RUBCN: variants seen among roughly 807,000 people sequenced by gnomAD.
RUBCN encodes run domain Beclin-1-interacting and cysteine-rich domain-containing protein.
Under a neutral mutation model 113.2 loss-of-function variants are expected in RUBCN, and 74 were observed. The observed-to-expected ratio is 0.65, with a 90% CI of 0.54 to 0.79. The LOEUF is 0.79. RUBCN is among the 30% of genes least tolerant of loss of function. The probability of loss-of-function intolerance (pLI) is 0.00; values close to 1 mark genes in which losing one functional copy is unlikely to be tolerated. For synonymous variants in RUBCN, 480 were observed against 490.0 expected, an observed-to-expected ratio of 0.98 and a Z score of 0.27; for missense variants, 1,109 against 1,251.7, an observed-to-expected ratio of 0.89 and a Z score of 1.72.
At chr3:197,748,396 C>T (rs1728850068) in intron 1 of RUBCN, 1 of 152,102 alleles carries the variant, frequency 6.6e-6, no homozygotes, top group Non-Finnish European at 1.5e-5. Context: ...ATTAAAGTTT[C>T]TTGTGCCCCT....
At chr3:197,684,007 G>C in intron 12 of RUBCN, 150 bp downstream of exon 12, 1 of 612,058 alleles carries the variant, frequency 1.6e-6, no homozygotes, top group Non-Finnish European at 2.9e-6. Context: ...TTCTTCCCGT[G>C]GGCTCGGCAC....
intron 16 of RUBCN, among the ~76,000 whole-genome samples, chr3:197,679,184 C>G (rs549465394): frequency 1.3e-5 from 2 of 150,630 alleles, no homozygotes; most frequent in African/African-American, 4.9e-5. Context: ...TCAGACTGTC[C>G]TACGCTCTGA....
At chr3:197,699,892 C>G (rs1723442670) in intron 7 of RUBCN, among the ~76,000 whole-genome samples, 1 of 152,080 alleles carries the variant, frequency 6.6e-6, no homozygotes, top group Non-Finnish European at 1.5e-5. Flanking sequence ...GCACAAAGCT[C>G]CATGCTATAC....
At chr3:197,704,801 A>G in intron 3 of RUBCN, 100 bp from the exon 4 acceptor site, 1 of 1,298,850 alleles carries the variant, frequency 7.7e-7, no homozygotes, top group East Asian at 2.4e-5. Flanking sequence ...GGTAAGGGAA[A>G]TGCTTTGAAA....
intron 16 of RUBCN, among the ~76,000 whole-genome samples, chr3:197,679,927 T>G (rs1208478503): frequency 1.4e-5 from 2 of 143,416 alleles, no homozygotes; most frequent in African/African-American, 5.2e-5. Context: ...CTCTGACAAC[T>G]GGCTCCAGAC....
intron 2 of RUBCN, among the ~76,000 whole-genome samples, chr3:197,714,349 T>C (rs1413686620): frequency 6.6e-6 from 1 of 152,162 alleles, no homozygotes; most frequent in African/African-American, 2.4e-5. Context: ...GCTTTTTTTG[T>C]TGAGACAGGG....
chr3:197,709,982 C>G (rs1476821565), intron 2 of RUBCN, among the ~76,000 whole-genome samples: 2 of 151,574 alleles, frequency 1.3e-5, no homozygotes, highest in Non-Finnish European at 2.9e-5. Flanking sequence ...GCCAGCCTGG[C>G]CAATATGTGA....
chr3:197,677,513 T>C lies in RUBCN; in HGVS notation c.2459A>G (p.Lys820Arg). Residue 820 changes from lysine to arginine, a missense_variant, in exon 17 of 20, where the codon AAG (lysine) becomes AGG (arginine). Around this residue, in one of 3 missense-constraint regions of RUBCN, gnomAD observed 306 missense variants for 348.9 expected, o/e 0.88. Transcript: ENST00000296343. ...RLLRVQLCHM[K>R]NMFKTCRLAK... ...CAGTCGGCAAGTCTTGAACATGTTC[T>C]TCATGTGACACAGCTGGACCCGCAG... 1.2e-6 allele frequency: 2 copies of C among 1,614,122 alleles called. No homozygotes were observed. Among genetic ancestry groups the C allele is most frequent in the Non-Finnish European group, 1.7e-6 (2 of 1,180,024 alleles).
At position 197,736,673 on chromosome 3, in the gene RUBCN, C is replaced by T; in HGVS notation, c.47G>A (p.Arg16His). Residue 16 changes from arginine to histidine, a missense_variant, in exon 1 of 20, where the codon CGC becomes CAC. Physicochemically the swap from Arg to His is conservative, Grantham distance 29. Around this residue, in one of 3 missense-constraint regions of RUBCN, gnomAD observed 736 missense variants for 779.6 expected, o/e 0.94. Transcript: ENST00000296343. ...AGCCCACCTGCTCTCCTCAGGCAGGCGCTCCTCGCCGCCTCCGAGCTCCAT... is the reference window on the plus strand; with the variant it reads ...AGCCCACCTGCTCTCCTCAGGCAGGTGCTCCTCGCCGCCTCCGAGCTCCAT... Reference protein sequence around the residue: ...AGMELGGGEERLPEESRREHW... With the variant: ...AGMELGGGEEHLPEESRREHW... The T allele has an allele frequency of 1.3e-6, 2 of 1,532,374 alleles. No individual in the cohort carries two copies. The highest frequency in any genetic ancestry group is 2.7e-5 in the African/African-American group (2 of 72,904). 94.9% of individuals were successfully genotyped at this position (1,532,374 alleles called of 1,614,324 possible).
intron 6 of RUBCN, 52 bp downstream of exon 6, chr3:197,701,656 A>C: frequency 3.2e-6 from 5 of 1,572,884 alleles, no homozygotes; most frequent in South Asian, 1.1e-5. Context: ...AAGTCTTCTT[A>C]CTTTCCAGGG....
At chr3:197,696,815 A>C in intron 8 of RUBCN, 139 bp downstream of exon 8, 2 of 662,762 alleles carry the variant, frequency 3.0e-6, no homozygotes, top group South Asian at 1.6e-5. Flanking sequence ...GGGGTTAAAA[A>C]TGACAAAAGA....
At chr3:197,715,316 AAG>A (rs1407311981) in intron 2 of RUBCN, among the ~76,000 whole-genome samples, 1 of 151,800 alleles carries the variant, frequency 6.6e-6, no homozygotes, top group Admixed American at 6.6e-5. Flanking sequence ...GAAAAAGAAA[AAG>A]AAACTCAACA....
chr3:197,709,732 A>C (rs1403355517), intron 2 of RUBCN, among the ~76,000 whole-genome samples: 1 of 152,204 alleles, frequency 6.6e-6, no homozygotes, highest in Non-Finnish European at 1.5e-5. Flanking sequence ...ACAGAGAACA[A>C]CACACCAGAA....
chr3:197,675,499 C>G lies in RUBCN; in HGVS notation c.2663G>C (p.Gly888Ala). 1 of 1,613,988 alleles carries G rather than the reference C, an allele frequency of 6.2e-7. No homozygotes were observed. The highest frequency in any genetic ancestry group is 8.5e-7 in the Non-Finnish European group (1 of 1,179,918). Residue 888 changes from glycine to alanine, a missense_variant, in exon 19 of 20, where the codon GGC (glycine) becomes GCC (alanine). Gly to Ala is a moderately conservative substitution (Grantham distance 60, BLOSUM62 0). Coordinates refer to ENST00000296343, the MANE Select transcript of RUBCN (RefSeq NM_014687.4). The surrounding 1 kb of genome is among the most constrained non-coding windows in gnomAD (Gnocchi z 4.4). ...VERCMLCQAKGFICEFCQNED... is the reference protein window; with the variant it reads ...VERCMLCQAKAFICEFCQNED... ...ATTCTGACAGAACTCACAGATGAAG[C>G]CTTTGGCTTGGCAGAGCTGGGGAGG...
chr3:197,722,765 T>C (rs895483093), intron 1 of RUBCN, among the ~76,000 whole-genome samples: 1 of 152,152 alleles, frequency 6.6e-6, no homozygotes, highest in African/African-American at 2.4e-5. Flanking sequence ...TTCTCTGATA[T>C]AAGTATAGCT....
chr3:197,691,514 A>G (rs1722420680), intron 11 of RUBCN, among the ~76,000 whole-genome samples: 1 of 152,178 alleles, frequency 6.6e-6, no homozygotes, highest in African/African-American at 2.4e-5. Flanking sequence ...CCGTCACAGC[A>G]AAGAATGATC....
chr3:197,726,690 ACCACCAAACCCAG>A (rs1289989348), intron 1 of RUBCN, among the ~76,000 whole-genome samples: 1 of 148,064 alleles, frequency 6.8e-6, no homozygotes, highest in Non-Finnish European at 1.5e-5. Flanking sequence ...ACAGGCACCC[ACCACCAAACCCAG>A]CTAATTTTTG....
At chr3:197,711,313 G>C (rs370375256) in intron 2 of RUBCN, among the ~76,000 whole-genome samples, 1 of 152,168 alleles carries the variant, frequency 6.6e-6, no homozygotes, top group Non-Finnish European at 1.5e-5. Context: ...TTCACCAGGG[G>C]ACTGGCTAAA....
At chr3:197,721,056 G>T (rs758223946) in intron 1 of RUBCN, among the ~76,000 whole-genome samples, 1 of 152,002 alleles carries the variant, frequency 6.6e-6, no homozygotes, top group Non-Finnish European at 1.5e-5. Context: ...ATACTCATCG[G>T]GGGTACTAGC....
Sources: gnomAD v4.1 joint callset for allele counts (sites outside exome capture counted in the v4.1 genomes callset) on GRCh38, gnomAD v4.1.1 for gene constraint, gnomAD v4.1.1 regional missense constraint, Gnocchi (gnomAD v3.1) non-coding constraint, MANE v1.5 for transcripts, NCBI Gene and HGNC (gene_info 2026-07-23, HGNC 2026-07-21) for gene names.